CCDC7: variants seen among roughly 807,000 people sequenced by gnomAD.
CCDC7 encodes the protein coiled-coil domain containing 7, also known as coiled-coil domain-containing protein 7.
In CCDC7, 183 loss-of-function variants were observed where a neutral mutation model predicts 196.9. The observed-to-expected ratio is 0.93, with a 90% CI of 0.82 to 1.05. CCDC7 has a LOEUF of 1.05. Ranked by LOEUF, CCDC7 falls within the 50% of genes least tolerant of loss-of-function variation. The probability of loss-of-function intolerance (pLI) is 0.00; values close to 1 mark genes in which losing one functional copy is unlikely to be tolerated. For missense variants in CCDC7, 1,540 were observed against 1,482.2 expected, an observed-to-expected ratio of 1.04 and a Z score of -0.64; for synonymous variants, 525 against 484.6, an observed-to-expected ratio of 1.08 and a Z score of -1.10.
intron 37 of CCDC7, 44 bp downstream of exon 38, chr10:32,846,503 T>C: frequency 8.1e-7 from 1 of 1,238,128 alleles, no homozygotes; most frequent in Non-Finnish European, 1.2e-6. Context: ...GACCTATTTA[T>C]GTTCCCTGAG....
chr10:32,810,945 A>C (rs556172474), intron 30 of CCDC7, among the ~76,000 whole-genome samples: 7 of 152,264 alleles, frequency 4.6e-5, no homozygotes, highest in African/African-American at 1.7e-4. Context: ...ATTAAAAAGG[A>C]AATCAAAAAA....
chr10:32,772,128 C>G (rs960894904), intron 28 of CCDC7, among the ~76,000 whole-genome samples: 4 of 152,178 alleles, frequency 2.6e-5, no homozygotes, highest in African/African-American at 9.7e-5. Flanking sequence ...CTCTGAGTCT[C>G]CCTGTGCAGG....
intron 41 of CCDC7, among the ~76,000 whole-genome samples, chr10:32,863,751 A>G (rs984606223): frequency 3.3e-5 from 5 of 152,008 alleles, no homozygotes; most frequent in African/African-American, 9.7e-5. Flanking sequence ...AAATCAACTC[A>G]AAATGGATAG....
chr10:32,664,577 G>A (rs148380670), intron 21 of CCDC7, among the ~76,000 whole-genome samples: 1 of 151,886 alleles, frequency 6.6e-6, no homozygotes, highest in Non-Finnish European at 1.5e-5. Context: ...TCCTCATATA[G>A]GTAAGATAAT....
chr10:32,669,170 T>C (rs2073512309), intron 21 of CCDC7, among the ~76,000 whole-genome samples: 1 of 152,206 alleles, frequency 6.6e-6, no homozygotes, highest in Non-Finnish European at 1.5e-5. Context: ...GTGGTTTTTG[T>C]CCTTCATTCT....
At chr10:32,579,926 T>A (rs2058584890) in intron 16 of CCDC7, among the ~76,000 whole-genome samples, 4 of 152,006 alleles carry the variant, frequency 2.6e-5, no homozygotes, top group Admixed American at 2.0e-4. Flanking sequence ...AGCTGTAACA[T>A]ACACGAGTCA....
chr10:32,548,964 G>C (rs1407321914), intron 13 of CCDC7, among the ~76,000 whole-genome samples: 1 of 152,048 alleles, frequency 6.6e-6, no homozygotes, highest in African/African-American at 2.4e-5. Flanking sequence ...TAGTTCTACT[G>C]TTAGTTCTTT....
intron 31 of CCDC7, among the ~76,000 whole-genome samples, chr10:32,815,504 GA>G (rs768898499): frequency 6.6e-6 from 1 of 152,062 alleles, no homozygotes; most frequent in Non-Finnish European, 1.5e-5. Flanking sequence ...TGAAATGTCA[GA>G]AGGAGTAAGC....
intron 41 of CCDC7, among the ~76,000 whole-genome samples, chr10:32,872,044 G>A (rs925718650): frequency 1.3e-5 from 2 of 152,010 alleles, no homozygotes; most frequent in Admixed American, 6.6e-5. Flanking sequence ...TTTGGAATAG[G>A]TGTGGTGTGG....
At chr10:32,854,097 G>T (rs1026415193) in intron 40 of CCDC7, among the ~76,000 whole-genome samples, 4 of 152,020 alleles carry the variant, frequency 2.6e-5, no homozygotes. Context: ...CTTTCCCAAG[G>T]TTTAACTCCT....
chr10:32,821,675 G>T (rs1312593302), intron 31 of CCDC7, among the ~76,000 whole-genome samples: 1 of 152,074 alleles, frequency 6.6e-6, no homozygotes, highest in Admixed American at 6.5e-5. Context: ...CATGGATGAA[G>T]CTGGAAATCA....
At chr10:32,590,559 T>C (rs530079783) in intron 18 of CCDC7, among the ~76,000 whole-genome samples, 19 of 152,292 alleles carry the variant, frequency 1.2e-4, no homozygotes, top group Admixed American at 8.5e-4. Context: ...TGTTTTTCTA[T>C]CTGCTACTAC....
intron 20 of CCDC7, among the ~76,000 whole-genome samples, chr10:32,639,086 T>G (rs1360258621): frequency 6.6e-6 from 1 of 152,178 alleles, no homozygotes; most frequent in Non-Finnish European, 1.5e-5. Flanking sequence ...GTCCTCTTTA[T>G]TATTCTTTAT....
chr10:32,473,855 A>G, intron 7 of CCDC7, 112 bp from the exon 9 acceptor site: 1 of 1,021,864 alleles, frequency 9.8e-7, no homozygotes, highest in Admixed American at 3.5e-5. Flanking sequence ...ATTTTTTCAA[A>G]GTTTTCTTTC....
intron 23 of CCDC7, among the ~76,000 whole-genome samples, chr10:32,690,079 C>A (rs2076914773): frequency 6.6e-6 from 1 of 152,160 alleles, no homozygotes; most frequent in African/African-American, 2.4e-5. Context: ...CAAAGCTTGG[C>A]AGTCTCCTCT....
chr10:32,621,055 C>T (rs1164619314), intron 18 of CCDC7, among the ~76,000 whole-genome samples: 3 of 152,146 alleles, frequency 2.0e-5, no homozygotes, highest in Non-Finnish European at 2.9e-5. Context: ...TTTAGTTTTC[C>T]GGGACAAAGC....
chr10:32,802,614 A>G (rs1365525090), intron 29 of CCDC7, among the ~76,000 whole-genome samples: 1 of 152,206 alleles, frequency 6.6e-6, no homozygotes, highest in African/African-American at 2.4e-5. Context: ...ATTGACTCAC[A>G]CAATCAAAAG....
chr10:32,737,747 A>C (rs998327787), intron 28 of CCDC7, among the ~76,000 whole-genome samples: 6 of 152,154 alleles, frequency 3.9e-5, no homozygotes, highest in African/African-American at 1.2e-4. Flanking sequence ...TTTCTTGAAT[A>C]ATGACCTTTT....
intron 11 of CCDC7, among the ~76,000 whole-genome samples, chr10:32,520,430 A>G (rs978148917): frequency 6.6e-6 from 1 of 152,228 alleles, no homozygotes; most frequent in Middle Eastern, 3.4e-3. Flanking sequence ...GCAAGATGAT[A>G]TTTCATTGTA....
Sources: allele counts gnomAD v4.1 joint callset (sites outside exome capture counted in the v4.1 genomes callset), GRCh38; gene constraint gnomAD v4.1.1; transcripts MANE v1.5; gene names NCBI Gene and HGNC (gene_info 2026-07-23, HGNC 2026-07-21).